Variants in KATNAL1 observed in about 807,000 individuals in gnomAD.
The protein encoded by KATNAL1 is katanin catalytic subunit A1 like 1, also known as katanin p60 ATPase-containing subunit A-like 1.
A neutral mutation model predicts 55.2 loss-of-function variants in KATNAL1; 32 were observed. The observed-to-expected ratio is 0.58, with a 90% CI of 0.44 to 0.78. The LOEUF is 0.78. Among genes scored for constraint, KATNAL1 ranks in the 30% least tolerant of loss-of-function variants. The pLI, the probability that KATNAL1 is intolerant of heterozygous loss-of-function variation, is 0.00. For missense variants in KATNAL1, 466 were observed against 600.9 expected, an observed-to-expected ratio of 0.78 and a Z score of 2.35; for synonymous variants, 193 against 193.6, an observed-to-expected ratio of 1.00 and a Z score of 0.02.
At chr13:30,270,972 G>C (rs75133086) in intron 3 of KATNAL1, among the ~76,000 whole-genome samples, 3,230 of 151,958 alleles carry the variant, frequency 0.021, 46 homozygotes, top group Non-Finnish European at 0.033. Flanking sequence ...GAACAAGAGT[G>C]GTGACAGTGA....
intron 9 of KATNAL1, among the ~76,000 whole-genome samples, chr13:30,219,356 T>C (rs1447806501): frequency 6.6e-6 from 1 of 152,220 alleles, no homozygotes; most frequent in Non-Finnish European, 1.5e-5. Context: ...GCTTCGATTC[T>C]ACTTTTCTCT....
intron 6 of KATNAL1, among the ~76,000 whole-genome samples, chr13:30,232,351 G>A (rs1004771416): frequency 6.6e-6 from 1 of 152,136 alleles, no homozygotes. Context: ...GGGGATTTAG[G>A]CTTTGAAAAC....
chr13:30,203,547 C>T lies in KATNAL1; in HGVS notation c.*4993G>A, dbSNP rs1872858348. 6.6e-6 allele frequency: 1 copy of T among 152,112 alleles called. No individual in the cohort carries two copies. Among genetic ancestry groups the T allele is most frequent in the South Asian group, 2.1e-4 (1 of 4,824 alleles). The allele number at this position is 152,112 out of a possible 1,614,324, so 9.4% of individuals were successfully genotyped here. A position where few individuals can be genotyped will look rare whatever the true frequency, so the allele number is the denominator to read the frequency against. On this transcript the variant is annotated 3_prime_UTR_variant, in exon 11 of 11. Transcript: ENST00000380615. ...AGGGAAACTTCTCTATACAAATTCC[C>T]TATTTTTTTGTGTCAAATTTCCATA...
intron 9 of KATNAL1, among the ~76,000 whole-genome samples, chr13:30,215,228 C>T (rs1389600570): frequency 1.3e-5 from 2 of 151,824 alleles, no homozygotes; most frequent in Non-Finnish European, 2.9e-5. Context: ...CAATGAGATA[C>T]CATCTCACAC....
At chr13:30,291,434 ATG>A (rs1247315985) in intron 1 of KATNAL1, among the ~76,000 whole-genome samples, 1 of 152,238 alleles carries the variant, frequency 6.6e-6, no homozygotes, top group African/African-American at 2.4e-5. Context: ...ATTAATAGAT[ATG>A]TGTGTATGTG....
At chr13:30,306,518 C>G (rs770938743) in intron 1 of KATNAL1, among the ~76,000 whole-genome samples, 1 of 152,086 alleles carries the variant, frequency 6.6e-6, no homozygotes, top group Non-Finnish European at 1.5e-5. Context: ...TTCAAAAATG[C>G]AAAAAGTTAA....
intron 1 of KATNAL1, among the ~76,000 whole-genome samples, chr13:30,292,796 T>A (rs1882220985): frequency 6.6e-6 from 1 of 152,230 alleles, no homozygotes; most frequent in Non-Finnish European, 1.5e-5. Flanking sequence ...ATACCTTTAT[T>A]CTACCCTCAT....
intron 9 of KATNAL1, among the ~76,000 whole-genome samples, chr13:30,225,196 T>C (rs1405151394): frequency 2.6e-5 from 4 of 152,194 alleles, no homozygotes; most frequent in South Asian, 2.1e-4. Flanking sequence ...TGTATCCTCA[T>C]GGATTCCACC....
chr13:30,303,126 C>A (rs1400032207), intron 1 of KATNAL1, among the ~76,000 whole-genome samples: 2 of 152,278 alleles, frequency 1.3e-5, no homozygotes, highest in East Asian at 3.9e-4. Context: ...ATGGACAGAA[C>A]AAAGTTACAA....
chr13:30,231,526 T>A (rs1876097653), intron 6 of KATNAL1, 54 bp from the exon 7 acceptor site: 1 of 1,184,566 alleles, frequency 8.4e-7, no homozygotes, highest in African/African-American at 1.6e-5. Flanking sequence ...AATTTTTTTA[T>A]AAATTATCAT....
chr13:30,252,698 G>T (rs1878430090), intron 4 of KATNAL1, among the ~76,000 whole-genome samples: 1 of 151,618 alleles, frequency 6.6e-6, no homozygotes, highest in Non-Finnish European at 1.5e-5. Flanking sequence ...AAACACTGGG[G>T]ACTCCCATAT....
chr13:30,208,416 T>A lies in KATNAL1; in HGVS notation c.*124A>T, dbSNP rs1029344622. ...TTTAGTATTCTTCGCAGTTTTAGATTTTTTTTTCCTTTAAGCGAAAACCAC... is the reference window on the plus strand; with the variant it reads ...TTTAGTATTCTTCGCAGTTTTAGATATTTTTTTCCTTTAAGCGAAAACCAC... On this transcript the variant is annotated 3_prime_UTR_variant, in exon 11 of 11. Transcript: ENST00000380615. 19 of 737,166 alleles carry A rather than the reference T, an allele frequency of 2.6e-5. No homozygotes were observed. The highest frequency in any genetic ancestry group is 3.8e-5 in the Non-Finnish European group (18 of 468,524). 45.7% of individuals were successfully genotyped at this position (737,166 alleles called of 1,614,324 possible).
chr13:30,287,676 CTTA>C (rs981957985), intron 1 of KATNAL1, among the ~76,000 whole-genome samples: 24 of 152,168 alleles, frequency 1.6e-4, no homozygotes, highest in African/African-American at 5.1e-4. Context: ...ACAATATGGC[CTTA>C]TTATAATGAA....
intron 3 of KATNAL1, among the ~76,000 whole-genome samples, chr13:30,264,117 C>G (rs1291329140): frequency 6.6e-6 from 1 of 151,432 alleles, no homozygotes; most frequent in Non-Finnish European, 1.5e-5. Flanking sequence ...GAAAAACAAG[C>G]AATGGGGAAA....
chr13:30,234,048 G>A (rs921713798), intron 6 of KATNAL1, among the ~76,000 whole-genome samples: 1 of 152,112 alleles, frequency 6.6e-6, no homozygotes, highest in African/African-American at 2.4e-5. Context: ...AAAATAACTA[G>A]AAGAGAATAA....
In KATNAL1 at chr13:30,227,467, A is replaced by G; in HGVS notation, c.1092T>C (p.Ile364=). 1 of 1,613,994 alleles carries G rather than the reference A, an allele frequency of 6.2e-7. No homozygotes were observed. The highest frequency in any genetic ancestry group is 8.5e-7 in the Non-Finnish European group (1 of 1,179,882). Residue 364 remains isoleucine (I), a synonymous_variant, in exon 9 of 11, where the codon ATT becomes ATC. Coordinates refer to ENST00000380615, the MANE Select transcript of KATNAL1 (RefSeq NM_032116.5). ...CTAACCTTCTTCGCAAAGCTTCATC[A>G]ATGTCCCACGGGAAATTAGTAGCAG... is the stretch of plus-strand genomic sequence containing the variant. ...VLAATNFPWD[I]DEALRRRLEK... is the part of the protein sequence containing the mutation.
At chr13:30,272,419 A>G (rs1196012282) in intron 3 of KATNAL1, among the ~76,000 whole-genome samples, 1 of 150,776 alleles carries the variant, frequency 6.6e-6, no homozygotes, top group Admixed American at 6.6e-5. Context: ...AGAAAAAAAG[A>G]AAAAAGGGGC....
Position 30,305,041 on chromosome 13 carries a change from T to C in KATNAL1, c.-15+2290A>G, listed in dbSNP as rs189161729. 1.9e-3 allele frequency among the ~76,000 whole-genome samples: 297 copies of C among 152,344 alleles called. 2 individuals carry two copies. Among genetic ancestry groups the C allele is most frequent in the African/African-American group, 6.8e-3 (282 of 41,568 alleles). ...ACTTCTCTACTGGACTTTGTTTTTT[T>C]CTATTATACAACTGGCTTTTCTACT... On this transcript the variant is annotated intron_variant, in intron 1 of 10. Coordinates refer to ENST00000380615, the MANE Select transcript of KATNAL1 (RefSeq NM_032116.5).
At chr13:30,251,470 G>A (rs1402956344) in intron 4 of KATNAL1, among the ~76,000 whole-genome samples, 1 of 152,116 alleles carries the variant, frequency 6.6e-6, no homozygotes, top group Non-Finnish European at 1.5e-5. Flanking sequence ...AACAGAATTA[G>A]TGCCCTAATA....
Sources: allele counts gnomAD v4.1 joint callset (sites outside exome capture counted in the v4.1 genomes callset), GRCh38; gene constraint gnomAD v4.1.1; transcripts MANE v1.5; gene names NCBI Gene and HGNC (gene_info 2026-07-23, HGNC 2026-07-21).